Variants in PRKACB observed in about 807,000 individuals in gnomAD.
PRKACB encodes cAMP-dependent protein kinase catalytic subunit beta.
Under a neutral mutation model 51.4 loss-of-function variants are expected in PRKACB, and 16 were observed. The observed-to-expected ratio is 0.31, with a 90% CI of 0.21 to 0.47. The LOEUF is 0.47. PRKACB is among the 20% of genes least tolerant of loss of function. The pLI is 1.00. For missense variants in PRKACB, 309 were observed against 464.5 expected, an observed-to-expected ratio of 0.67 and a Z score of 3.08; for synonymous variants, 147 against 154.4, an observed-to-expected ratio of 0.95 and a Z score of 0.35.
intron 1 of PRKACB, among the ~76,000 whole-genome samples, chr1:84,133,718 G>C (rs1652495762): frequency 6.6e-6 from 1 of 152,232 alleles, no homozygotes; most frequent in Non-Finnish European, 1.5e-5. Flanking sequence ...CAAGACGAGT[G>C]CTTCTGGGCA....
chr1:84,231,099 G>A (rs1171454685), intron 9 of PRKACB, among the ~76,000 whole-genome samples: 1 of 150,624 alleles, frequency 6.6e-6, no homozygotes, highest in African/African-American at 2.4e-5. Flanking sequence ...TTTGAAATAC[G>A]TCCCATCAAT....
chr1:84,078,313 C>T (rs1490002097), exon 1 of PRKACB: 2 of 1,609,396 alleles, frequency 1.2e-6, no homozygotes, highest in South Asian at 1.1e-5. Flanking sequence ...CCCTTCTTGC[C>T]ATCGCCCCAG....
At chr1:84,157,805 A>G (rs1454861853) in intron 1 of PRKACB, among the ~76,000 whole-genome samples, 1 of 152,158 alleles carries the variant, frequency 6.6e-6, no homozygotes, top group Non-Finnish European at 1.5e-5. Flanking sequence ...TCTGCAGTTG[A>G]TGCACATGAG....
At chr1:84,227,847 A>C (rs1425488293) in intron 9 of PRKACB, among the ~76,000 whole-genome samples, 1 of 152,258 alleles carries the variant, frequency 6.6e-6, no homozygotes, top group African/African-American at 2.4e-5. Flanking sequence ...ACAGCAGTGC[A>C]AAAATCATAG....
intron 1 of PRKACB, among the ~76,000 whole-genome samples, chr1:84,112,086 A>G (rs1327249657): frequency 2.6e-5 from 4 of 152,176 alleles, no homozygotes; most frequent in African/African-American, 9.6e-5. Flanking sequence ...AGCCTAACTC[A>G]AAGACACAAG....
intron 1 of PRKACB, among the ~76,000 whole-genome samples, chr1:84,116,306 A>G (rs1023111344): frequency 1.1e-4 from 16 of 152,132 alleles, no homozygotes; most frequent in African/African-American, 3.9e-4. Flanking sequence ...CTTTTTGCTC[A>G]GAGTTGCTTT....
At chr1:84,148,687 A>G (rs1215439257) in intron 1 of PRKACB, among the ~76,000 whole-genome samples, 1 of 152,170 alleles carries the variant, frequency 6.6e-6, no homozygotes, top group East Asian at 1.9e-4. Context: ...GTAAATACCA[A>G]TTTTCAGTGT....
At position 84,197,709 on chromosome 1, in the gene PRKACB, A is replaced by G; in HGVS notation, c.688-20A>G. On this transcript the variant is annotated intron_variant, in intron 6 of 9. Coordinates refer to ENST00000370685, the MANE Select transcript of PRKACB (RefSeq NM_182948.4). ...TGTGAGGTAATACATTTTCACTAGT[A>G]TTCTTTTTTTCTTTTATAGGTCACA... 2 of 1,524,276 alleles carry G rather than the reference A, an allele frequency of 1.3e-6. No individual in the cohort carries two copies. Among genetic ancestry groups the G allele is most frequent in the Middle Eastern group, 3.4e-4 (2 of 5,828 alleles). The allele number at this position is 1,524,276 out of a possible 1,614,324, so 94.4% of individuals were successfully genotyped here.
intron 1 of PRKACB, among the ~76,000 whole-genome samples, chr1:84,172,901 C>T (rs1490750747): frequency 6.6e-6 from 1 of 151,564 alleles, no homozygotes; most frequent in Non-Finnish European, 1.5e-5. Context: ...AATTAATCAT[C>T]TTAGAAATCA....
chr1:84,175,197 G>A, intron 1 of PRKACB: 1 of 861,752 alleles, frequency 1.2e-6, no homozygotes, highest in Non-Finnish European at 1.6e-6. Context: ...GAAGGAAATA[G>A]TTTGTTTAGT....
chr1:84,133,419 A>G (rs963485031), intron 1 of PRKACB, among the ~76,000 whole-genome samples: 1 of 152,214 alleles, frequency 6.6e-6, no homozygotes, highest in Non-Finnish European at 1.5e-5. Flanking sequence ...GAAAAAAATG[A>G]AGGTAAAATA....
At chr1:84,192,305 G>C (rs185220118) in intron 5 of PRKACB, among the ~76,000 whole-genome samples, 3 of 152,202 alleles carry the variant, frequency 2.0e-5, no homozygotes, top group East Asian at 1.9e-4. Flanking sequence ...ATTATGTGAG[G>C]AGACCCAAAT....
chr1:84,107,648 G>A (rs1442008258), intron 1 of PRKACB, among the ~76,000 whole-genome samples: 1 of 151,810 alleles, frequency 6.6e-6, no homozygotes, highest in African/African-American at 2.4e-5. Context: ...CAAACAAAAA[G>A]CAAACAGCCC....
chr1:84,136,065 C>T (rs1571743311), intron 1 of PRKACB, among the ~76,000 whole-genome samples: 1 of 151,916 alleles, frequency 6.6e-6, no homozygotes, highest in East Asian at 1.9e-4. Context: ...GATGGATCTT[C>T]TTCACTGAAG....
intron 1 of PRKACB, among the ~76,000 whole-genome samples, chr1:84,150,224 G>A (rs1425263470): frequency 3.3e-5 from 5 of 152,070 alleles, no homozygotes; most frequent in Admixed American, 6.5e-5. Flanking sequence ...GCTGCAGTGA[G>A]GTGAGATTGC....
chr1:84,167,476 C>T (rs1162738374), intron 1 of PRKACB, among the ~76,000 whole-genome samples: 1 of 151,540 alleles, frequency 6.6e-6, no homozygotes, highest in East Asian at 1.9e-4. Context: ...TTACCTCCGA[C>T]ACTGACCCTG....
intron 1 of PRKACB, among the ~76,000 whole-genome samples, chr1:84,124,710 C>G (rs1651411001): frequency 6.6e-6 from 1 of 152,146 alleles, no homozygotes; most frequent in African/African-American, 2.4e-5. Context: ...CCATGCCCTG[C>G]ACCATTTCTG....
intron 2 of PRKACB, among the ~76,000 whole-genome samples, chr1:84,179,735 A>C (rs1662573194): frequency 6.6e-6 from 1 of 151,908 alleles, no homozygotes; most frequent in Admixed American, 6.6e-5. Flanking sequence ...TATATAAAAA[A>C]CCATCTATAC....
chr1:84,092,059 A>G (rs776156018), intron 1 of PRKACB, among the ~76,000 whole-genome samples: 6 of 152,198 alleles, frequency 3.9e-5, no homozygotes, highest in Admixed American at 1.3e-4. Context: ...TTGAGAAACT[A>G]TGTTACAGTA....
Sources: gnomAD v4.1 joint callset for allele counts (sites outside exome capture counted in the v4.1 genomes callset) on GRCh38, gnomAD v4.1.1 for gene constraint, MANE v1.5 for transcripts, NCBI Gene and HGNC (gene_info 2026-07-23, HGNC 2026-07-21) for gene names.